NRXN3: variants seen among roughly 807,000 people sequenced by gnomAD.
NRXN3 encodes neurexin 3, also known as neurexin III.
In NRXN3, 32 loss-of-function variants were observed where a neutral mutation model predicts 137.6. The ratio of observed to expected loss-of-function variants is 0.23; its 90% confidence interval spans 0.18 to 0.31. NRXN3 has a LOEUF of 0.31. Ranked by LOEUF, NRXN3 falls within the 10% of genes least tolerant of loss-of-function variation. The probability of loss-of-function intolerance (pLI) is 1.00; values close to 1 mark genes in which losing one functional copy is unlikely to be tolerated. For synonymous variants in NRXN3, 798 were observed against 784.5 expected, an observed-to-expected ratio of 1.02 and a Z score of -0.29; for missense variants, 1,574 against 2,062.5, an observed-to-expected ratio of 0.76 and a Z score of 4.59.
At chr14:79,168,315 A>G (rs1596722626) in intron 15 of NRXN3, among the ~76,000 whole-genome samples, 1 of 152,114 alleles carries the variant, frequency 6.6e-6, no homozygotes, top group East Asian at 1.9e-4. Flanking sequence ...GTGTGATAAT[A>G]TTTACCTTAA....
chr14:78,554,041 A>G (rs962267629), intron 4 of NRXN3, among the ~76,000 whole-genome samples: 2 of 152,176 alleles, frequency 1.3e-5, no homozygotes, highest in Non-Finnish European at 2.9e-5. Flanking sequence ...ATGGGAACAG[A>G]TGGCCCAAAA....
At chr14:79,037,175 T>C (rs1464234847) in intron 15 of NRXN3, among the ~76,000 whole-genome samples, 1 of 152,090 alleles carries the variant, frequency 6.6e-6, no homozygotes, top group Non-Finnish European at 1.5e-5. Flanking sequence ...CTATAAGATA[T>C]CAGGGAAGAT....
chr14:79,755,647 A>C (rs2099016949), intron 19 of NRXN3, among the ~76,000 whole-genome samples: 1 of 151,568 alleles, frequency 6.6e-6, no homozygotes, highest in African/African-American at 2.4e-5. Context: ...CTCTATGATC[A>C]TAGAGAGACA....
intron 15 of NRXN3, among the ~76,000 whole-genome samples, chr14:79,143,483 A>C (rs1213409794): frequency 2.0e-5 from 3 of 152,224 alleles, no homozygotes; most frequent in Non-Finnish European, 4.4e-5. Flanking sequence ...ACTGTCCCAG[A>C]TTTCATCCAC....
chr14:78,352,795 T>C (rs1212803611), intron 4 of NRXN3, among the ~76,000 whole-genome samples: 1 of 152,222 alleles, frequency 6.6e-6, no homozygotes, highest in Non-Finnish European at 1.5e-5. Flanking sequence ...GGCTATCAGC[T>C]GGGCAGGCCC....
chr14:78,895,433 T>C (rs2099170740), intron 10 of NRXN3, among the ~76,000 whole-genome samples: 1 of 151,920 alleles, frequency 6.6e-6, no homozygotes, highest in African/African-American at 2.4e-5. Context: ...GAATTGGAAA[T>C]AGTTTGGGCC....
At chr14:78,822,634 C>T (rs1167536671) in intron 10 of NRXN3, among the ~76,000 whole-genome samples, 3 of 151,264 alleles carry the variant, frequency 2.0e-5, no homozygotes, top group African/African-American at 7.3e-5. Context: ...GAGATCGTGC[C>T]ACTGGACTCC....
intron 15 of NRXN3, among the ~76,000 whole-genome samples, chr14:79,198,117 CTG>C (rs1027366698): frequency 2.0e-5 from 3 of 152,174 alleles, no homozygotes; most frequent in African/African-American, 7.2e-5. Context: ...ACACATTTCT[CTG>C]TGAGTCTGTT....
intron 16 of NRXN3, among the ~76,000 whole-genome samples, chr14:79,607,278 T>C (rs1392993225): frequency 6.6e-6 from 1 of 152,230 alleles, no homozygotes; most frequent in Non-Finnish European, 1.5e-5. Context: ...TGTAAAGAAA[T>C]GATCTTTTCC....
chr14:79,262,388 A>C (rs558013135), intron 15 of NRXN3, among the ~76,000 whole-genome samples: 1 of 151,646 alleles, frequency 6.6e-6, no homozygotes, highest in Non-Finnish European at 1.5e-5. Context: ...AAGAGGGAGA[A>C]GGAAGAAGAA....
intron 20 of NRXN3, among the ~76,000 whole-genome samples, chr14:79,852,866 A>C (rs1315991003): frequency 6.6e-6 from 1 of 151,244 alleles, no homozygotes; most frequent in Non-Finnish European, 1.5e-5. Flanking sequence ...TATATTATAT[A>C]TATCTATATA....
intron 17 of NRXN3, among the ~76,000 whole-genome samples, chr14:79,687,487 T>C (rs910527477): frequency 2.0e-5 from 3 of 152,230 alleles, no homozygotes; most frequent in Non-Finnish European, 4.4e-5. Context: ...GATTTTCTTT[T>C]GCCTCTGACT....
chr14:78,650,938 A>C (rs578008329), intron 5 of NRXN3, among the ~76,000 whole-genome samples: 9 of 152,212 alleles, frequency 5.9e-5, no homozygotes, highest in Non-Finnish European at 1.3e-4. Context: ...TGGAAATTCT[A>C]ACAAAGTCAT....
rs573070268 is a variant in NRXN3 at position 78,413,169 on chromosome 14, C to T, written c.757+115309C>T. ...GGAAGTGAGGGAGGAAGAGCAGGGCCAGGGAAGCTAAGCAAAGATGTGGTA... is the reference window on the plus strand; with the variant it reads ...GGAAGTGAGGGAGGAAGAGCAGGGCTAGGGAAGCTAAGCAAAGATGTGGTA... On this transcript the variant is annotated intron_variant, in intron 4 of 20. Transcript: ENST00000335750. Among the ~76,000 whole-genome samples the T allele has an allele frequency of 2.0e-3, 305 of 152,196 alleles. 1 individual carries two copies. The highest frequency in any genetic ancestry group is 0.01 in the Middle Eastern group (3 of 292).
At chr14:78,648,233 T>C (rs1010125085) in intron 5 of NRXN3, among the ~76,000 whole-genome samples, 1 of 152,356 alleles carries the variant, frequency 6.6e-6, no homozygotes, top group African/African-American at 2.4e-5. Context: ...GGGGTGGTAA[T>C]TGGTCCTTGA....
In NRXN3 at chr14:78,532,375, TTGTGTG is replaced by T. The variant is rs56788209; in HGVS notation, c.758-112707_758-112702del. Reference sequence around the variant, plus strand: ...AAAGAAAAAGAAAATTGATGATATTTTGTGTGTGTGTGTGTGTGTGTGTGTGTGTGT... The same window carrying T: ...AAAGAAAAAGAAAATTGATGATATTTTGTGTGTGTGTGTGTGTGTGTGTGT... On this transcript the variant is annotated intron_variant, in intron 4 of 20. Transcript: ENST00000335750. Among the ~76,000 whole-genome samples the T allele has an allele frequency of 6.0e-3, 829 of 138,640 alleles. 8 individuals are homozygous for T. Among genetic ancestry groups the T allele is most frequent in the East Asian group, 0.023 (108 of 4,604 alleles). The allele number at this position is 138,640 out of a possible 152,430, so 91.0% of individuals were successfully genotyped here. A position where few individuals can be genotyped will look rare whatever the true frequency, so the allele number is the denominator to read the frequency against.
intron 15 of NRXN3, among the ~76,000 whole-genome samples, chr14:79,429,184 A>T (rs903148203): frequency 3.9e-5 from 6 of 152,136 alleles, no homozygotes; most frequent in African/African-American, 1.4e-4. Context: ...CTCTTCTTGT[A>T]TATGTAAGAT....
intron 15 of NRXN3, among the ~76,000 whole-genome samples, chr14:79,088,094 G>A (rs2048471655): frequency 6.7e-6 from 1 of 149,918 alleles, no homozygotes; most frequent in Admixed American, 6.6e-5. Flanking sequence ...TACATGGAGG[G>A]CAATGGCGCA....
chr14:79,621,983 G>C (rs1246432043), intron 16 of NRXN3, among the ~76,000 whole-genome samples: 1 of 152,162 alleles, frequency 6.6e-6, no homozygotes, highest in African/African-American at 2.4e-5. Context: ...AACTGGATAA[G>C]AATCTGCGTT....
Sources: allele counts gnomAD v4.1 joint callset (sites outside exome capture counted in the v4.1 genomes callset), GRCh38; gene constraint gnomAD v4.1.1; transcripts MANE v1.5; gene names NCBI Gene and HGNC (gene_info 2026-07-23, HGNC 2026-07-21).